Variants in OR2T2 observed in about 807,000 individuals in gnomAD.
OR2T2 encodes the protein olfactory receptor 2T2.
For missense variants in OR2T2, 138 were observed against 409.1 expected, an observed-to-expected ratio of 0.34 and a Z score of 5.72; for synonymous variants, 50 against 162.7, an observed-to-expected ratio of 0.31 and a Z score of 5.27.
chr1:248,447,468 G>T (rs954523454), intron 2 of OR2T2, among the ~76,000 whole-genome samples: 2 of 139,118 alleles, frequency 1.4e-5, no homozygotes, highest in Non-Finnish European at 3.0e-5. Context: ...CTTTCCAGCC[G>T]CACTCCACCC....
intron 2 of OR2T2, among the ~76,000 whole-genome samples, chr1:248,449,743 C>T (rs1431737752): frequency 1.6e-5 from 2 of 123,396 alleles, no homozygotes; most frequent in Non-Finnish European, 3.1e-5. Flanking sequence ...TTCTAATCTG[C>T]ACTGGGGAGA....
chr1:248,449,419 T>C (rs1477511120), intron 2 of OR2T2, 27 bp downstream of exon 3: 2 of 149,882 alleles, frequency 1.3e-5, no homozygotes, highest in Non-Finnish European at 3.0e-5. Context: ...TCTTGATTTC[T>C]ATGGCTTCTC....
intron 2 of OR2T2, among the ~76,000 whole-genome samples, chr1:248,449,832 T>C (rs1237436214): frequency 7.7e-6 from 1 of 129,392 alleles, no homozygotes; most frequent in Non-Finnish European, 1.5e-5. Context: ...CTTTTTCTTT[T>C]TTTTTTTTTT....
chr1:248,450,344 C>T (rs1259740754), intron 2 of OR2T2, among the ~76,000 whole-genome samples: 1 of 128,822 alleles, frequency 7.8e-6, no homozygotes, highest in African/African-American at 3.6e-5. Flanking sequence ...TCACAAGGAA[C>T]CTCTTTTTTT....
chr1:248,450,263 C>G (rs1372928992), intron 2 of OR2T2, among the ~76,000 whole-genome samples: 1 of 145,314 alleles, frequency 6.9e-6, no homozygotes, highest in East Asian at 2.0e-4. Flanking sequence ...CAGATGCACA[C>G]ACCACACATA....
chr1:248,445,704 T>A (rs1478922518), intron 1 of OR2T2, 35 bp downstream of exon 1: 66 of 152,294 alleles, frequency 4.3e-4, no homozygotes, highest in African/African-American at 1.4e-3. Flanking sequence ...AAACAGAACA[T>A]CACCCAGATA....
chr1:248,450,621 C>A (rs1368572330), intron 2 of OR2T2, among the ~76,000 whole-genome samples: 1 of 152,240 alleles, frequency 6.6e-6, no homozygotes, highest in Non-Finnish European at 1.5e-5. Flanking sequence ...TTTCTTAGGT[C>A]ATTTTCGTTT....
chr1:248,446,740 C>T (rs368247669), exon 2 of OR2T2: 3 of 148,698 alleles, frequency 2.0e-5, no homozygotes, highest in African/African-American at 7.9e-5. Flanking sequence ...CTTTTACTCT[C>T]AATGCTCCAG....
At chr1:248,453,905 A>G in exon 3 of OR2T2, 2 of 1,236,262 alleles carry the variant, frequency 1.6e-6, no homozygotes, top group Non-Finnish European at 1.1e-6. Context: ...TGCTGCGGCC[A>G]ATAACGCAGC....
At chr1:248,453,762 G>A (rs1303173377) in exon 3 of OR2T2, 4 of 1,552,450 alleles carry the variant, frequency 2.6e-6, no homozygotes, top group Non-Finnish European at 3.5e-6. Context: ...ACTGTGATCA[G>A]GAAGGGCTAG....
intron 2 of OR2T2, among the ~76,000 whole-genome samples, chr1:248,449,832 T>TTCTTTTTCTTTTTC (rs572066165): frequency 7.7e-6 from 1 of 129,392 alleles, no homozygotes; most frequent in African/African-American, 4.1e-5. Flanking sequence ...CTTTTTCTTT[T>TTCTTTTTCTTTTTC]TTTTTTTTTT....
At chr1:248,448,253 TTA>T (rs1229202669) in intron 2 of OR2T2, among the ~76,000 whole-genome samples, 48 of 149,264 alleles carry the variant, frequency 3.2e-4, no homozygotes, top group African/African-American at 1.1e-3. Context: ...AAGAAAAACT[TTA>T]TCTTTGAAAT....
intron 2 of OR2T2, among the ~76,000 whole-genome samples, chr1:248,447,467 C>T (rs1236585161): frequency 2.9e-5 from 4 of 139,200 alleles, no homozygotes; most frequent in African/African-American, 8.7e-5. Flanking sequence ...ACTTTCCAGC[C>T]GCACTCCACC....
In OR2T2 at chr1:248,449,828, CTT is replaced by C. The variant is rs777942474; in HGVS notation, c.-22-2934_-22-2933del. On this transcript the variant is annotated intron_variant, in intron 2 of 2. Coordinates refer to ENST00000642130, the Ensembl canonical transcript of OR2T2. ...GCTTTTTCTTTTTCTTTTTCTTTTTCTTTTTTTTTTTTTTTGGAAAGACTAGT... is the reference window on the plus strand; with the variant it reads ...GCTTTTTCTTTTTCTTTTTCTTTTTCTTTTTTTTTTTTTGGAAAGACTAGT... 1.5e-3 allele frequency among the ~76,000 whole-genome samples: 174 copies of C among 114,862 alleles called. 1 individual carries two copies. The highest frequency in any genetic ancestry group is 8.8e-3 in the African/African-American group (168 of 19,162). The allele number at this position is 114,862 out of a possible 152,430, so 75.4% of individuals were successfully genotyped here. A position where few individuals can be genotyped will look rare whatever the true frequency, so the allele number is the denominator to read the frequency against.
intron 1 of OR2T2, among the ~76,000 whole-genome samples, chr1:248,446,170 T>TTC (rs111507127): frequency 0.068 from 9,834 of 143,644 alleles, 275 homozygotes; most frequent in East Asian, 0.16. Context: ...CATGATTTTT[T>TTC]TTTTTCATTT....
chr1:248,446,921 T>TTTG (rs1662674310), intron 2 of OR2T2, 110 bp downstream of exon 2: 1 of 111,588 alleles, frequency 9.0e-6, no homozygotes, highest in African/African-American at 3.5e-5. Context: ...GCTGATTTTT[T>TTTG]TTTTTTTTTT....
chr1:248,446,476 T>G (rs1662655604), intron 1 of OR2T2, 113 bp from the exon 2 acceptor site: 1 of 144,730 alleles, frequency 6.9e-6, no homozygotes, highest in African/African-American at 2.9e-5. Context: ...ACTCTCCATT[T>G]CCTCTTCCAC....
chr1:248,450,556 T>C (rs1662773712), intron 2 of OR2T2, among the ~76,000 whole-genome samples: 3 of 152,014 alleles, frequency 2.0e-5, no homozygotes, highest in Non-Finnish European at 4.4e-5. Context: ...AGTCTGATTA[T>C]TTACATGAAA....
intron 2 of OR2T2, among the ~76,000 whole-genome samples, chr1:248,450,530 TTTGAATACC>T (rs1288843906): frequency 6.6e-6 from 1 of 151,488 alleles, no homozygotes; most frequent in African/African-American, 2.5e-5. Flanking sequence ...TTACCTCCTC[TTTGAATACC>T]TTGTGGAGTC....
Sources: gnomAD v4.1 joint callset for allele counts (sites outside exome capture counted in the v4.1 genomes callset) on GRCh38, gnomAD v4.1.1 for gene constraint, MANE v1.5 for transcripts, NCBI Gene and HGNC (gene_info 2026-07-23, HGNC 2026-07-21) for gene names.